PATJ: variants seen among roughly 807,000 people sequenced by gnomAD.
PATJ encodes inaD-like protein.
Under a neutral mutation model 224.9 loss-of-function variants are expected in PATJ, and 190 were observed. That is an observed-to-expected ratio of 0.84 (90% CI 0.75 to 0.95). PATJ has a LOEUF of 0.95. Among genes scored for constraint, PATJ ranks in the 40% least tolerant of loss-of-function variants. The probability of loss-of-function intolerance (pLI) is 0.00; values close to 1 mark genes in which losing one functional copy is unlikely to be tolerated. For synonymous variants in PATJ, 769 were observed against 820.3 expected, an observed-to-expected ratio of 0.94 and a Z score of 1.07; for missense variants, 2,121 against 2,270.3, an observed-to-expected ratio of 0.93 and a Z score of 1.34.
intron 30 of PATJ, among the ~76,000 whole-genome samples, chr1:62,046,986 CT>C (rs2148563016): frequency 6.6e-6 from 1 of 152,344 alleles, no homozygotes; most frequent in East Asian, 1.9e-4. Flanking sequence ...TTCTCCTCTA[CT>C]TTAGTATTCA....
chr1:62,087,994 C>A (rs967719172), intron 33 of PATJ, among the ~76,000 whole-genome samples: 1 of 151,442 alleles, frequency 6.6e-6, no homozygotes, highest in African/African-American at 2.4e-5. Flanking sequence ...CGGGTTCAAG[C>A]GATTCTCCTG....
At chr1:62,083,188 G>A (rs888984912) in intron 32 of PATJ, among the ~76,000 whole-genome samples, 1 of 152,146 alleles carries the variant, frequency 6.6e-6, no homozygotes, top group Non-Finnish European at 1.5e-5. Flanking sequence ...GTGCAATGGC[G>A]CGATCTCAGC....
rs188178502 is a variant in PATJ at position 62,089,335 on chromosome 1, G to A, written c.4377+4687G>A. ...TTCCATCACTTCCTGCAAGGAATGT[G>A]AGGCTGTTTGCTAAATACTGTACTC... is the stretch of plus-strand genomic sequence containing the variant. On this transcript the variant is annotated intron_variant, in intron 33 of 43. Coordinates refer to ENST00000642238, the MANE Select transcript of PATJ (RefSeq NM_001350145.3). 2.6e-3 allele frequency among the ~76,000 whole-genome samples: 391 copies of A among 151,698 alleles called. 4 individuals are homozygous for A. The highest frequency in any genetic ancestry group is 9.0e-3 in the African/African-American group (373 of 41,280).
chr1:61,783,424 T>C (rs959909340), intron 7 of PATJ, among the ~76,000 whole-genome samples: 1 of 92,638 alleles, frequency 1.1e-5, no homozygotes, highest in African/African-American at 3.8e-5. Context: ...TTTTCTTTTC[T>C]TTTTTTTTTT....
At chr1:62,118,754 C>T (rs2481684) in intron 37 of PATJ, among the ~76,000 whole-genome samples, 1 of 151,850 alleles carries the variant, frequency 6.6e-6, no homozygotes, top group Non-Finnish European at 1.5e-5. Flanking sequence ...CTCAGCCTCT[C>T]GAGTAGCTGG....
intron 27 of PATJ, among the ~76,000 whole-genome samples, chr1:61,941,080 C>T (rs1677748393): frequency 6.6e-6 from 1 of 152,076 alleles, no homozygotes; most frequent in African/African-American, 2.4e-5. Context: ...TGGCATATTT[C>T]CTATGGAATT....
At chr1:61,883,389 TC>T (rs1476702356) in intron 21 of PATJ, among the ~76,000 whole-genome samples, 3 of 152,162 alleles carry the variant, frequency 2.0e-5, no homozygotes, top group Non-Finnish European at 4.4e-5. Context: ...ACCTCAGTTT[TC>T]CTATCTATAA....
intron 14 of PATJ, among the ~76,000 whole-genome samples, chr1:61,813,842 A>G (rs1478337278): frequency 1.3e-5 from 2 of 152,100 alleles, no homozygotes; most frequent in Non-Finnish European, 1.5e-5. Flanking sequence ...TAATATGAAC[A>G]ATAATAATTG....
At chr1:61,981,451 G>A (rs1032346527) in intron 27 of PATJ, among the ~76,000 whole-genome samples, 1 of 151,948 alleles carries the variant, frequency 6.6e-6, no homozygotes, top group Non-Finnish European at 1.5e-5. Context: ...AAGGTTCATG[G>A]CTGAGACCCT....
chr1:61,760,619 CT>C (rs200693394), intron 1 of PATJ, among the ~76,000 whole-genome samples: 143 of 135,426 alleles, frequency 1.1e-3, no homozygotes, highest in Non-Finnish European at 1.4e-3. Flanking sequence ...TTTTCTTTTT[CT>C]TTTTTTTTTT....
At chr1:61,903,284 G>T (rs1024795386) in intron 24 of PATJ, among the ~76,000 whole-genome samples, 1 of 152,180 alleles carries the variant, frequency 6.6e-6, no homozygotes, top group African/African-American at 2.4e-5. Flanking sequence ...GGTATATTTT[G>T]CAGGTGAATA....
At position 61,977,672 on chromosome 1, in the gene PATJ, T is replaced by C. The variant is rs929729625; in HGVS notation, c.3671-12496T>C. 5.3e-5 allele frequency among the ~76,000 whole-genome samples: 8 copies of C among 151,824 alleles called. 1 individual carries two copies. Among genetic ancestry groups the C allele is most frequent in the African/African-American group, 1.9e-4 (8 of 41,158 alleles). ...ACCACAACACTGATTACAGGTATGA[T>C]CCACTGTGCCGGCTGGCATTACAGT... On this transcript the variant is annotated intron_variant, in intron 27 of 43. Transcript: ENST00000642238.
At chr1:61,900,206 G>A (rs1189180870) in intron 23 of PATJ, among the ~76,000 whole-genome samples, 1 of 152,104 alleles carries the variant, frequency 6.6e-6, no homozygotes, top group Non-Finnish European at 1.5e-5. Flanking sequence ...TCTGTATTCC[G>A]TGTCCATTAT....
intron 33 of PATJ, among the ~76,000 whole-genome samples, chr1:62,100,641 AC>A (rs1662038554): frequency 6.6e-6 from 1 of 152,124 alleles, no homozygotes. Flanking sequence ...TGACACACTA[AC>A]TTTTCCAGCC....
intron 20 of PATJ, among the ~76,000 whole-genome samples, chr1:61,873,197 G>A (rs1666878134): frequency 6.6e-6 from 1 of 151,988 alleles, no homozygotes; most frequent in African/African-American, 2.4e-5. Context: ...TATAAAGACA[G>A]GGTCTCACTC....
intron 6 of PATJ, among the ~76,000 whole-genome samples, chr1:61,772,106 G>C (rs868500257): frequency 8.7e-6 from 1 of 115,352 alleles, no homozygotes; most frequent in Non-Finnish European, 1.8e-5. Flanking sequence ...CATGACGGTC[G>C]TTTTTTTTTT....
chr1:62,039,252 A>G, intron 30 of PATJ: 1 of 342,736 alleles, frequency 2.9e-6, no homozygotes, highest in East Asian at 6.6e-5. Flanking sequence ...CTTAAGAGTA[A>G]ATTGCTTTTT....
In PATJ at chr1:61,853,244, C is replaced by T. The variant is rs567476332; in HGVS notation, c.2113-2786C>T. Among the ~76,000 whole-genome samples, 17 of 152,216 alleles carry T rather than the reference C, an allele frequency of 1.1e-4. No homozygotes were observed. In the South Asian group the frequency reaches 3.5e-3, roughly 32 times the overall value. On this transcript the variant is annotated intron_variant, in intron 17 of 43. Coordinates refer to ENST00000642238, the MANE Select transcript of PATJ (RefSeq NM_001350145.3). ...ACCTTTCAAGGGTAGAAGTCTATTT[C>T]CATTTCCTTCTGGTGAATCGTCCTT...
At chr1:61,801,512 G>T in intron 11 of PATJ, 111 bp from the exon 12 acceptor site, 1 of 547,486 alleles carries the variant, frequency 1.8e-6, no homozygotes, top group Non-Finnish European at 3.0e-6. Flanking sequence ...TGTGAAATGG[G>T]AGAAATGGGA....
Sources: gnomAD v4.1 joint callset for allele counts (sites outside exome capture counted in the v4.1 genomes callset) on GRCh38, gnomAD v4.1.1 for gene constraint, MANE v1.5 for transcripts, NCBI Gene and HGNC (gene_info 2026-07-23, HGNC 2026-07-21) for gene names.